The following SLC39A11 variants were observed in gnomAD, a reference collection of about 807,000 sequenced individuals.
The protein encoded by SLC39A11 is zinc transporter ZIP11.
SLC39A11 carries 33 observed loss-of-function variants against 36.1 expected under a neutral mutation model. That is an observed-to-expected ratio of 0.91 (90% CI 0.69 to 1.22). The LOEUF is 1.22. Ranked by LOEUF, SLC39A11 falls within the 50% of genes most tolerant of loss-of-function variation. SLC39A11 has a pLI of 0.00. For missense variants in SLC39A11, 432 were observed against 430.3 expected, an observed-to-expected ratio of 1.00 and a Z score of -0.03; for synonymous variants, 166 against 170.3, an observed-to-expected ratio of 0.97 and a Z score of 0.20.
intron 5 of SLC39A11, among the ~76,000 whole-genome samples, chr17:72,851,354 C>T (rs1431138465): frequency 6.6e-6 from 1 of 152,160 alleles, no homozygotes; most frequent in Non-Finnish European, 1.5e-5. Flanking sequence ...GAGCATCCAG[C>T]TTTCAGTTCA....
chr17:73,069,964 C>T (rs1014827043), intron 3 of SLC39A11, among the ~76,000 whole-genome samples: 1 of 152,206 alleles, frequency 6.6e-6, no homozygotes, highest in Non-Finnish European at 1.5e-5. Context: ...ATCTCTACTC[C>T]TACCATCTGT....
chr17:72,676,244 T>TA (rs2071256132), intron 7 of SLC39A11, among the ~76,000 whole-genome samples: 1 of 152,108 alleles, frequency 6.6e-6, no homozygotes, highest in South Asian at 2.1e-4. Context: ...AGGGCTGGCA[T>TA]GGATGTGATG....
At chr17:72,942,067 T>A (rs1336452303) in intron 5 of SLC39A11, among the ~76,000 whole-genome samples, 5 of 148,324 alleles carry the variant, frequency 3.4e-5, no homozygotes, top group Admixed American at 1.3e-4. Flanking sequence ...TATTATTATT[T>A]TTTTTTTAGT....
chr17:72,811,262 GGGTCAGGCAACTCTA>G, intron 6 of SLC39A11, among the ~76,000 whole-genome samples: 1 of 152,184 alleles, frequency 6.6e-6, no homozygotes, highest in Non-Finnish European at 1.5e-5. Context: ...ATGGTAGAAA[GGGTCAGGCAACTCTA>G]TGGGGCCTCT....
At chr17:73,084,511 T>C (rs1237900826) in intron 3 of SLC39A11, among the ~76,000 whole-genome samples, 1 of 150,896 alleles carries the variant, frequency 6.6e-6, no homozygotes. Context: ...AAAAAGTATA[T>C]TTAGTTAGAG....
intron 4 of SLC39A11, among the ~76,000 whole-genome samples, chr17:72,997,769 G>A (rs2089604176): frequency 2.6e-5 from 4 of 152,188 alleles, no homozygotes. Context: ...GTCTACGCTA[G>A]CCATCCATTA....
chr17:73,063,150 A>G (rs1168552828), intron 3 of SLC39A11, among the ~76,000 whole-genome samples: 1 of 152,234 alleles, frequency 6.6e-6, no homozygotes, highest in Admixed American at 6.5e-5. Flanking sequence ...ACAAGGTACT[A>G]GCATTGTCTC....
intron 6 of SLC39A11, among the ~76,000 whole-genome samples, chr17:72,814,213 A>G (rs2077515241): frequency 1.3e-5 from 2 of 152,226 alleles, no homozygotes; most frequent in African/African-American, 4.8e-5. Flanking sequence ...TGGACCGTGC[A>G]GATACTGAGT....
At chr17:72,812,168 T>C (rs1335899428) in intron 6 of SLC39A11, among the ~76,000 whole-genome samples, 1 of 152,200 alleles carries the variant, frequency 6.6e-6, no homozygotes, top group Non-Finnish European at 1.5e-5. Context: ...GATACTATTA[T>C]GCTTGGAGAG....
intron 6 of SLC39A11, among the ~76,000 whole-genome samples, chr17:72,843,673 T>C (rs2078920082): frequency 2.0e-5 from 3 of 152,216 alleles, no homozygotes. Context: ...AATAAATTTC[T>C]GTTGTTTCTA....
chr17:72,849,986 C>T (rs945473265), intron 5 of SLC39A11, among the ~76,000 whole-genome samples, 182 bp from the exon 6 acceptor site: 3 of 151,606 alleles, frequency 2.0e-5, no homozygotes, highest in Non-Finnish European at 4.4e-5. Flanking sequence ...CCCAACTTCC[C>T]GGGCTCAAGC....
At position 72,882,798 on chromosome 17, in the gene SLC39A11, T is replaced by TTTTTTTTTTTTTTCTTTTTC. The variant is rs1567878741; in HGVS notation, c.431-32995_431-32994insGAAAAAGAAAAAAAAAAAAA. ...CTGCTTGAGGGAGAGAGAATGCTTC[T>TTTTTTTTTTTTTTCTTTTTC]TTTTTTTTTTTTTTTTGAGATGGAG... On this transcript the variant is annotated intron_variant, in intron 5 of 9. Transcript: ENST00000255559. Among the ~76,000 whole-genome samples the TTTTTTTTTTTTTTCTTTTTC allele has an allele frequency of 1.1e-3, 139 of 125,660 alleles. 2 individuals carry two copies. Among genetic ancestry groups the TTTTTTTTTTTTTTCTTTTTC allele is most frequent in the African/African-American group, 4.4e-3 (130 of 29,738 alleles). 82.4% of individuals were successfully genotyped at this position (125,660 alleles called of 152,430 possible).
chr17:73,033,891 T>C (rs1319144406), intron 3 of SLC39A11, among the ~76,000 whole-genome samples: 1 of 152,204 alleles, frequency 6.6e-6, no homozygotes, highest in Admixed American at 6.5e-5. Context: ...CTGTCAAACA[T>C]GCACAGTCAC....
intron 7 of SLC39A11, among the ~76,000 whole-genome samples, chr17:72,661,453 C>T (rs974623139): frequency 1.5e-4 from 23 of 152,194 alleles, no homozygotes; most frequent in African/African-American, 5.3e-4. Context: ...AGGAGAATGG[C>T]ATATCCCTGA....
chr17:72,825,707 AG>A (rs2078001491), intron 6 of SLC39A11, among the ~76,000 whole-genome samples: 1 of 152,246 alleles, frequency 6.6e-6, no homozygotes, highest in South Asian at 2.1e-4. Flanking sequence ...CCCTTGCATC[AG>A]TGTGGACTGG....
intron 6 of SLC39A11, among the ~76,000 whole-genome samples, chr17:72,766,476 T>C (rs1174737870): frequency 6.6e-6 from 1 of 152,218 alleles, no homozygotes; most frequent in East Asian, 1.9e-4. Flanking sequence ...TTGTACCATC[T>C]GGCCATGCCT....
At chr17:72,774,052 C>G (rs1298952323) in intron 6 of SLC39A11, among the ~76,000 whole-genome samples, 1 of 152,220 alleles carries the variant, frequency 6.6e-6, no homozygotes, top group African/African-American at 2.4e-5. Context: ...TTCCAATTAA[C>G]TGCCCTGGGC....
At chr17:72,895,416 T>C (rs1328586643) in intron 5 of SLC39A11, among the ~76,000 whole-genome samples, 5 of 152,100 alleles carry the variant, frequency 3.3e-5, no homozygotes, top group Admixed American at 3.3e-4. Flanking sequence ...TCATCTCTAC[T>C]AAAAACACAA....
At chr17:73,080,986 A>ATAAATAAATAAT (rs1222217985) in intron 3 of SLC39A11, among the ~76,000 whole-genome samples, 1 of 145,628 alleles carries the variant, frequency 6.9e-6, no homozygotes, top group African/African-American at 2.5e-5. Context: ...AAATAAATAA[A>ATAAATAAATAAT]TAATAAAAAG....
Sources: allele counts gnomAD v4.1 joint callset (sites outside exome capture counted in the v4.1 genomes callset), GRCh38; gene constraint gnomAD v4.1.1; transcripts MANE v1.5; gene names NCBI Gene and HGNC (gene_info 2026-07-23, HGNC 2026-07-21).